The following KDM4C variants were observed in gnomAD, a reference collection of about 807,000 sequenced individuals.
KDM4C encodes the protein lysine demethylase 4C.
In KDM4C, 81 loss-of-function variants were observed where a neutral mutation model predicts 129.3. The observed-to-expected ratio is 0.63, with a 90% CI of 0.52 to 0.75. The LOEUF is 0.75. Ranked by LOEUF, KDM4C falls within the 30% of genes least tolerant of loss-of-function variation. The pLI is 0.00. For synonymous variants in KDM4C, 573 were observed against 456.1 expected (o/e 1.26, Z -3.26); for missense variants, 1,457 against 1,304.0 (o/e 1.12, Z -1.81).
intron 8 of KDM4C, among the ~76,000 whole-genome samples, chr9:6,901,190 C>T (rs1470391788): frequency 3.9e-5 from 6 of 152,084 alleles, no homozygotes; most frequent in African/African-American, 1.4e-4. Flanking sequence ...GCTGGCCAAC[C>T]CCTGGAGGGA....
chr9:6,849,702 C>A lies in KDM4C; in HGVS notation c.629+2C>A. ...CCACTTTGGAGAGCCCAAGTCTTGG[C>A]AAGTTACTTGTTTAATATTCATTTA... On this transcript the variant is annotated splice_donor_variant, in intron 5 of 21. Transcript: ENST00000381309. LOFTEE classifies it high-confidence loss of function. The A allele has an allele frequency of 6.5e-7, 1 of 1,539,972 alleles. No individual in the cohort carries two copies. Among genetic ancestry groups the A allele is most frequent in the Non-Finnish European group, 8.8e-7 (1 of 1,134,196 alleles).
chr9:6,918,278 T>A (rs888631581), intron 8 of KDM4C, among the ~76,000 whole-genome samples: 1 of 152,178 alleles, frequency 6.6e-6, no homozygotes. Context: ...TGGTATTTGG[T>A]TTTTTGTTCT....
At chr9:7,154,265 A>G (rs1430800453) in intron 19 of KDM4C, among the ~76,000 whole-genome samples, 1 of 152,198 alleles carries the variant, frequency 6.6e-6, no homozygotes, top group African/African-American at 2.4e-5. Context: ...TGAGCAGGTG[A>G]TTATCTCTGG....
chr9:6,743,447 T>C (rs915105002), intron 1 of KDM4C, among the ~76,000 whole-genome samples: 1 of 152,196 alleles, frequency 6.6e-6, no homozygotes, highest in African/African-American at 2.4e-5. Flanking sequence ...TATCTTATGT[T>C]GTTGTTAACT....
chr9:7,026,152 C>T (rs1825780904), intron 15 of KDM4C, among the ~76,000 whole-genome samples: 1 of 151,686 alleles, frequency 6.6e-6, no homozygotes, highest in East Asian at 1.9e-4. Flanking sequence ...TTGCAGTGAG[C>T]CGAGATCGCA....
intron 3 of KDM4C, among the ~76,000 whole-genome samples, chr9:6,807,212 T>G (rs545669878): frequency 1.6e-3 from 242 of 152,262 alleles, no homozygotes; most frequent in African/African-American, 5.6e-3. Context: ...CAGGCTGGAG[T>G]GCAGTGGCGT....
intron 5 of KDM4C, among the ~76,000 whole-genome samples, chr9:6,858,796 T>A (rs1840392904): frequency 6.6e-6 from 1 of 151,826 alleles, no homozygotes; most frequent in South Asian, 2.1e-4. Flanking sequence ...AAAAAATTAC[T>A]ATGTTAGTAG....
intron 8 of KDM4C, among the ~76,000 whole-genome samples, chr9:6,938,874 C>G (rs1002209596): frequency 6.6e-6 from 1 of 151,978 alleles, no homozygotes; most frequent in African/African-American, 2.4e-5. Context: ...ATTGTTCTTT[C>G]ATAGAGGTTA....
chr9:6,885,632 AAAG>A (rs1481085155), intron 6 of KDM4C, among the ~76,000 whole-genome samples: 1 of 152,010 alleles, frequency 6.6e-6, no homozygotes, highest in Non-Finnish European at 1.5e-5. Flanking sequence ...AAAAAAAAAA[AAAG>A]GCAGTTGACT....
chr9:7,004,273 C>G lies in KDM4C; in HGVS notation c.1787-7425C>G, dbSNP rs1821254943. Among the ~76,000 whole-genome samples the G allele has an allele frequency of 2.0e-5, 3 of 152,158 alleles. No individual in the cohort carries two copies. The South Asian group carries it at 6.2e-4, about 31-fold the overall frequency. On this transcript the variant is annotated intron_variant, in intron 12 of 21. Coordinates refer to ENST00000381309, the MANE Select transcript of KDM4C (RefSeq NM_015061.6). ...GTCCTGAGTGAGTGAACGAATCTGG[C>G]AAAAATCTGTTCTTAAGGCAAGGTT...
intron 15 of KDM4C, among the ~76,000 whole-genome samples, chr9:7,038,969 A>G (rs760189298): frequency 6.6e-6 from 1 of 151,934 alleles, no homozygotes; most frequent in Non-Finnish European, 1.5e-5. Context: ...AATTTTTGAT[A>G]TATGTATTGG....
At chr9:6,768,061 C>G (rs867653258) in intron 1 of KDM4C, among the ~76,000 whole-genome samples, 1 of 152,068 alleles carries the variant, frequency 6.6e-6, no homozygotes, top group Non-Finnish European at 1.5e-5. Flanking sequence ...TCACTTTTAG[C>G]CTTTAGACAG....
intron 17 of KDM4C, among the ~76,000 whole-genome samples, chr9:7,058,788 T>A (rs1831224704): frequency 6.6e-6 from 1 of 152,186 alleles, no homozygotes; most frequent in Non-Finnish European, 1.5e-5. Context: ...CTATAATACA[T>A]CATGGCCTTG....
At chr9:6,994,972 C>T (rs180964204) in intron 12 of KDM4C, among the ~76,000 whole-genome samples, 3 of 152,054 alleles carry the variant, frequency 2.0e-5, no homozygotes, top group East Asian at 1.9e-4. Context: ...TGTGACATTA[C>T]GTTGGGTCAG....
chr9:6,871,888 A>G (rs572093902), intron 5 of KDM4C, among the ~76,000 whole-genome samples: 4 of 152,316 alleles, frequency 2.6e-5, no homozygotes, highest in African/African-American at 7.2e-5. Context: ...ATTGAGCAGC[A>G]TCTTGCTTTG....
intron 2 of KDM4C, among the ~76,000 whole-genome samples, chr9:6,803,714 C>G (rs1297119028): frequency 6.6e-6 from 1 of 151,048 alleles, no homozygotes; most frequent in East Asian, 1.9e-4. Context: ...TTGAGACCAG[C>G]CTGGGCAACA....
intron 8 of KDM4C, among the ~76,000 whole-genome samples, chr9:6,899,542 GGTGTGT>G (rs61209400): frequency 1.5e-4 from 22 of 150,054 alleles, no homozygotes; most frequent in Non-Finnish European, 2.4e-4. Context: ...TTTCCATGGG[GGTGTGT>G]GTGTGTGTGT....
chr9:7,019,720 T>C (rs1563992955), intron 15 of KDM4C, among the ~76,000 whole-genome samples: 1 of 105,346 alleles, frequency 9.5e-6, no homozygotes, highest in African/African-American at 4.2e-5. Context: ...TATAAAAATA[T>C]AATATTTTTA....
chr9:6,922,915 G>C (rs768391978), intron 8 of KDM4C, among the ~76,000 whole-genome samples: 4 of 152,218 alleles, frequency 2.6e-5, no homozygotes, highest in Non-Finnish European at 2.9e-5. Flanking sequence ...GTTAGCTACA[G>C]AAATGGATGC....
Sources: gnomAD v4.1 joint callset for allele counts (sites outside exome capture counted in the v4.1 genomes callset) on GRCh38, gnomAD v4.1.1 for gene constraint, MANE v1.5 for transcripts, NCBI Gene and HGNC (gene_info 2026-07-23, HGNC 2026-07-21) for gene names.